Variants in DOK6 observed in about 807,000 individuals in gnomAD.
DOK6 encodes docking protein 6, also known as downstream of tyrosine kinase 6.
In DOK6, 22 loss-of-function variants were observed where a neutral mutation model predicts 44.0. The observed-to-expected ratio is 0.50, with a 90% CI of 0.36 to 0.71. DOK6 has a LOEUF of 0.71. Ranked by LOEUF, DOK6 falls within the 30% of genes least tolerant of loss-of-function variation. DOK6 has a pLI of 0.00. For missense variants in DOK6, 340 were observed against 416.4 expected (o/e 0.82, Z 1.60); for synonymous variants, 166 against 145.5 (o/e 1.14, Z -1.01).
intron 1 of DOK6, among the ~76,000 whole-genome samples, chr18:69,462,977 G>T (rs1241171614): frequency 2.6e-5 from 4 of 152,164 alleles, no homozygotes; most frequent in Non-Finnish European, 5.9e-5. Context: ...TTAGTCTATG[G>T]CTAAGCATTT....
At chr18:69,413,184 C>T (rs975059045) in intron 1 of DOK6, among the ~76,000 whole-genome samples, 1 of 152,060 alleles carries the variant, frequency 6.6e-6, no homozygotes, top group Admixed American at 6.6e-5. Flanking sequence ...TTGCTTGCAA[C>T]TAATACATAT....
At chr18:69,683,778 C>T (rs1172395757) in intron 4 of DOK6, among the ~76,000 whole-genome samples, 1 of 152,150 alleles carries the variant, frequency 6.6e-6, no homozygotes, top group Non-Finnish European at 1.5e-5. Flanking sequence ...GTTATGATAG[C>T]CCTAGGAAAC....
At chr18:69,832,573 A>G (rs1981932553) in intron 7 of DOK6, 2 of 152,060 alleles carry the variant, frequency 1.3e-5, no homozygotes, top group African/African-American at 2.4e-5. Context: ...CTCCTCTTCA[A>G]TTTTTTGAAA....
chr18:69,647,495 G>C (rs1347726776), intron 3 of DOK6: 1 of 152,184 alleles, frequency 6.6e-6, no homozygotes, highest in African/African-American at 2.4e-5. Flanking sequence ...CCATGAAGAT[G>C]CAAACAAACA....
intron 7 of DOK6, among the ~76,000 whole-genome samples, chr18:69,807,214 T>C (rs1489997074): frequency 1.3e-5 from 2 of 151,708 alleles, no homozygotes; most frequent in Non-Finnish European, 1.5e-5. Context: ...GTTATCAGCT[T>C]AAAATAACCT....
At chr18:69,828,396 T>C (rs933738282) in intron 7 of DOK6, among the ~76,000 whole-genome samples, 2 of 151,886 alleles carry the variant, frequency 1.3e-5, no homozygotes, top group African/African-American at 4.8e-5. Flanking sequence ...TATTTGCTAA[T>C]GGTAAAGAAT....
Position 69,843,737 on chromosome 18 carries a change from T to C in DOK6, c.*2354T>C, listed in dbSNP as rs1237644711. On this transcript the variant is annotated 3_prime_UTR_variant, in exon 8 of 8. Transcript: ENST00000382713. The stretch of plus-strand genomic sequence containing the variant: ...AAGATCAGGCATAACCTCGGGCCAG[T>C]TCATTCTGAAAATGATGTCGTAAAA... 6.6e-6 allele frequency: 1 copy of C among 152,234 alleles called. No homozygotes were observed. Among genetic ancestry groups the C allele is most frequent in the Non-Finnish European group, 1.5e-5 (1 of 68,038 alleles). 9.4% of individuals were successfully genotyped at this position (152,234 alleles called of 1,614,324 possible). A position where few individuals can be genotyped will look rare whatever the true frequency, so the allele number is the denominator to read the frequency against.
intron 1 of DOK6, among the ~76,000 whole-genome samples, chr18:69,454,961 A>G (rs529876733): frequency 7.0e-6 from 1 of 143,288 alleles, no homozygotes; most frequent in Non-Finnish European, 1.5e-5. Flanking sequence ...CTAAGGCTAG[A>G]TGACGAGTTA....
intron 7 of DOK6, among the ~76,000 whole-genome samples, chr18:69,811,341 C>T (rs3018274): frequency 0.74 from 111,675 of 151,364 alleles, 41,620 homozygotes; most frequent in Admixed American, 0.78. Context: ...GGTCAAAAGA[C>T]ACAAAATTTC....
At chr18:69,774,137 T>G (rs1006763487) in intron 7 of DOK6, among the ~76,000 whole-genome samples, 3 of 118,236 alleles carry the variant, frequency 2.5e-5, no homozygotes, top group Admixed American at 8.3e-5. Flanking sequence ...ATATGAGATA[T>G]ATATATATAT....
intron 7 of DOK6, among the ~76,000 whole-genome samples, chr18:69,762,347 A>G (rs1481776918): frequency 6.6e-6 from 1 of 152,184 alleles, no homozygotes; most frequent in African/African-American, 2.4e-5. Flanking sequence ...TCTTAAAAAA[A>G]TATTTTTTTA....
intron 1 of DOK6, among the ~76,000 whole-genome samples, chr18:69,484,720 C>T (rs1980525653): frequency 6.6e-6 from 1 of 152,150 alleles, no homozygotes; most frequent in Admixed American, 6.6e-5. Context: ...AGCACTGTAA[C>T]TCATGCCTGA....
At chr18:69,761,358 A>T (rs1301521303) in intron 7 of DOK6, among the ~76,000 whole-genome samples, 3 of 152,190 alleles carry the variant, frequency 2.0e-5, no homozygotes, top group African/African-American at 7.2e-5. Flanking sequence ...TTACCAAAAC[A>T]GTTAACAACC....
chr18:69,652,596 C>T (rs1985257599), intron 3 of DOK6, among the ~76,000 whole-genome samples: 1 of 152,182 alleles, frequency 6.6e-6, no homozygotes, highest in African/African-American at 2.4e-5. Flanking sequence ...CTCTAAGCTG[C>T]TTTTAAGCTG....
intron 7 of DOK6, among the ~76,000 whole-genome samples, chr18:69,809,219 A>ATAG: frequency 6.6e-6 from 1 of 151,816 alleles, no homozygotes; most frequent in Non-Finnish European, 1.5e-5. Flanking sequence ...ATCATCTCAG[A>ATAG]ATGCAGAAAA....
chr18:69,781,263 T>G lies in DOK6; in HGVS notation c.856+23390T>G, dbSNP rs1049259646. On this transcript the variant is annotated intron_variant, in intron 7 of 7. Transcript: ENST00000382713. ...CAAAGGAAGAGTGAAGATTGTCTAG[T>G]TGGTAAGCCTGACTGATGTTTTCTC... 9 of 152,292 alleles carry G rather than the reference T, an allele frequency of 5.9e-5. 1 individual carries two copies. The highest frequency in any genetic ancestry group is 1.2e-4 in the Non-Finnish European group (8 of 68,028). 9.4% of individuals were successfully genotyped at this position (152,292 alleles called of 1,614,324 possible). A position where few individuals can be genotyped will look rare whatever the true frequency, so the allele number is the denominator to read the frequency against.
rs192587687 is a variant in DOK6 at position 69,521,370 on chromosome 18, C to T, written c.67-43117C>T. Reference sequence around the variant, plus strand: ...AAGAACCAATCAAATCAAGTGACACCATTCTGGCAGTATTTTAACCAAAGT... The same window carrying T: ...AAGAACCAATCAAATCAAGTGACACTATTCTGGCAGTATTTTAACCAAAGT... On this transcript the variant is annotated intron_variant, in intron 1 of 7. Coordinates refer to ENST00000382713, the MANE Select transcript of DOK6 (RefSeq NM_152721.6). Among the ~76,000 whole-genome samples, 186 of 151,334 alleles carry T rather than the reference C, an allele frequency of 1.2e-3. 1 individual carries two copies. Among genetic ancestry groups the T allele is most frequent in the African/African-American group, 4.3e-3 (179 of 41,308 alleles).
chr18:69,673,646 C>T (rs1480923854), intron 3 of DOK6, among the ~76,000 whole-genome samples: 1 of 152,190 alleles, frequency 6.6e-6, no homozygotes, highest in African/African-American at 2.4e-5. Flanking sequence ...CTCCATTTGT[C>T]TTATTATTCC....
intron 7 of DOK6, among the ~76,000 whole-genome samples, chr18:69,839,333 A>G (rs562074799): frequency 2.5e-5 from 3 of 120,122 alleles, no homozygotes; most frequent in African/African-American, 6.7e-5. Context: ...CTCCTCCCAT[A>G]ACTCCTCCCC....
Sources: gnomAD v4.1 joint callset for allele counts (sites outside exome capture counted in the v4.1 genomes callset) on GRCh38, gnomAD v4.1.1 for gene constraint, MANE v1.5 for transcripts, NCBI Gene and HGNC (gene_info 2026-07-23, HGNC 2026-07-21) for gene names.